IAPP: variants seen among roughly 807,000 people sequenced by gnomAD.
IAPP encodes the protein islet amyloid polypeptide.
Under a neutral mutation model 2.9 loss-of-function variants are expected in IAPP, and 4 were observed. That is an observed-to-expected ratio of 1.39 (90% CI 0.69 to 3.19). The LOEUF (loss-of-function observed/expected upper bound fraction) is 3.19, where lower values mean the gene tolerates loss of function less well. Among genes scored for constraint, IAPP ranks in the 30% most tolerant of loss-of-function variants. The pLI is 0.01. For synonymous variants in IAPP, 40 were observed against 42.1 expected (o/e 0.95, Z 0.19); for missense variants, 114 against 105.3 (o/e 1.08, Z -0.36).
intron 2 of IAPP, chr12:21,376,356 T>G (rs1353194263): frequency 2.8e-6 from 1 of 362,356 alleles, no homozygotes; most frequent in Non-Finnish European, 5.6e-6. Context: ...TTACTGTTTT[T>G]CAAGAAAAGT....
intron 2 of IAPP, 47 bp downstream of exon 2, chr12:21,373,478 G>A (rs376022719): frequency 2.3e-6 from 3 of 1,278,296 alleles, no homozygotes; most frequent in African/African-American, 2.9e-5. Context: ...TGTAAAGTGT[G>A]AGAAAATTAG....
At chr12:21,364,781 T>G (rs189545300) in intron 1 of IAPP, among the ~76,000 whole-genome samples, 34 of 152,238 alleles carry the variant, frequency 2.2e-4, no homozygotes, top group Admixed American at 1.8e-3. Context: ...AAATCATGAG[T>G]GAACTCCATT....
chr12:21,358,032 G>A (rs968915389), intron 1 of IAPP, among the ~76,000 whole-genome samples: 1 of 152,016 alleles, frequency 6.6e-6, no homozygotes, highest in Non-Finnish European at 1.5e-5. Context: ...GGAGTGAGTT[G>A]GTCTCCTGTC....
chr12:21,363,776 C>A (rs1311166205), intron 1 of IAPP, among the ~76,000 whole-genome samples: 3 of 152,158 alleles, frequency 2.0e-5, no homozygotes, highest in Non-Finnish European at 4.4e-5. Context: ...CACCTCTGTG[C>A]AAATCAGCTA....
intron 1 of IAPP, among the ~76,000 whole-genome samples, chr12:21,366,102 A>G (rs892949540): frequency 5.3e-5 from 8 of 152,340 alleles, no homozygotes; most frequent in African/African-American, 1.9e-4. Flanking sequence ...ATGCATACGT[A>G]TGTTTATTGC....
chr12:21,361,249 C>A lies in IAPP; in HGVS notation c.-16+6236C>A, dbSNP rs1036847108. ...TGCAATATTAGCTGTTCTTCAGCCT[C>A]CGCTGGTGATACCCAGGCAAACAGG... On this transcript the variant is annotated intron_variant, in intron 1 of 2. Coordinates refer to the IAPP transcript ENST00000539393. Among the ~76,000 whole-genome samples, 12 of 152,310 alleles carry A rather than the reference C, an allele frequency of 7.9e-5. No individual in the cohort carries two copies. In the East Asian group the frequency reaches 2.3e-3, roughly 29 times the overall value.
chr12:21,358,263 C>G (rs1215538293), intron 1 of IAPP, among the ~76,000 whole-genome samples: 1 of 152,126 alleles, frequency 6.6e-6, no homozygotes, highest in African/African-American at 2.4e-5. Flanking sequence ...AATCATTAAG[C>G]TTGCTAATTT....
upstream of IAPP, among the ~76,000 whole-genome samples, chr12:21,372,722 T>A (rs1466091688): frequency 6.6e-6 from 1 of 152,256 alleles, no homozygotes; most frequent in Non-Finnish European, 1.5e-5. Context: ...CACTGTGTAT[T>A]TGCTACGTTA....
intron 2 of IAPP, among the ~76,000 whole-genome samples, chr12:21,376,562 T>G (rs1259915566): frequency 2.0e-5 from 3 of 152,092 alleles, no homozygotes; most frequent in Non-Finnish European, 4.4e-5. Context: ...GATAATTTGT[T>G]CAAACATTTG....
At chr12:21,370,331 CTTTTT>C (rs539121076), upstream of IAPP, among the ~76,000 whole-genome samples, 1 of 145,452 alleles carries the variant, frequency 6.9e-6, no homozygotes, top group Non-Finnish European at 1.5e-5. Flanking sequence ...TCTTCCTTTT[CTTTTT>C]TTTTTATTAT....
chr12:21,355,918 C>T (rs891683185), intron 1 of IAPP, among the ~76,000 whole-genome samples: 26 of 152,080 alleles, frequency 1.7e-4, no homozygotes, highest in Non-Finnish European at 1.9e-4. Flanking sequence ...TAGAACTAAA[C>T]TAACTTAATC....
chr12:21,378,356 C>G lies in IAPP; in HGVS notation c.200C>G (p.Ser67Cys), dbSNP rs1940362050. Residue 67 changes from serine (S) to cysteine (C), a missense_variant, in exon 3 of 3, where the codon TCC (serine) becomes TGC (cysteine). By Grantham distance (112) the Ser-to-Cys change is moderately radical. Coordinates refer to ENST00000240652, the MANE Select transcript of IAPP (RefSeq NM_000415.3). ...ATTCTCTCATCTACCAACGTGGGATCCAATACATATGGCAAGAGGAATGCA... is the reference window on the plus strand; with the variant it reads ...ATTCTCTCATCTACCAACGTGGGATGCAATACATATGGCAAGAGGAATGCA... ...GAILSSTNVG[S>C]NTYGKRNAVE... 1 of 1,614,126 alleles carries G rather than the reference C, an allele frequency of 6.2e-7. No individual in the cohort carries two copies. The highest frequency in any genetic ancestry group is 8.5e-7 in the Non-Finnish European group (1 of 1,179,972).
chr12:21,355,036 A>T (rs532580557), intron 1 of IAPP: 10 of 152,326 alleles, frequency 6.6e-5, no homozygotes, highest in Middle Eastern at 3.4e-3. Flanking sequence ...TAAATGGCAC[A>T]TATGTTCAAA....
At chr12:21,374,837 C>G (rs1204748219) in intron 2 of IAPP, among the ~76,000 whole-genome samples, 2 of 151,796 alleles carry the variant, frequency 1.3e-5, no homozygotes, top group South Asian at 2.1e-4. Flanking sequence ...CTCTCTCTCT[C>G]TCTGTCTCTG....
Position 21,378,283 on chromosome 12 carries a change from C to A in IAPP, c.127C>A (p.Gln43Lys). The stretch of plus-strand genomic sequence containing the variant: ...ATGCAACACTGCCACATGTGCAACG[C>A]AGCGCCTGGCAAATTTTTTAGTTCA... ...RKCNTATCAT[Q>K]RLANFLVHSS... The change falls in exon 3 of 3, where the codon CAG becomes AAG. Residue 43 changes from glutamine (Q) to lysine (K), a missense_variant. By Grantham distance (53) the Gln-to-Lys change is moderately conservative. Coordinates refer to ENST00000240652, the MANE Select transcript of IAPP (RefSeq NM_000415.3). 1 of 1,614,212 alleles carries A rather than the reference C, an allele frequency of 6.2e-7. No homozygotes were observed. Among genetic ancestry groups the A allele is most frequent in the Non-Finnish European group, 8.5e-7 (1 of 1,180,026 alleles).
intron 1 of IAPP, among the ~76,000 whole-genome samples, chr12:21,365,117 G>A (rs1474524954): frequency 6.6e-6 from 1 of 152,160 alleles, no homozygotes; most frequent in Admixed American, 6.5e-5. Context: ...GAACAAAGCT[G>A]GAGGCATCAC....
intron 1 of IAPP, among the ~76,000 whole-genome samples, chr12:21,361,676 A>T (rs12823714): frequency 0.32 from 48,981 of 151,782 alleles, 8,162 homozygotes; most frequent in East Asian, 0.46. Context: ...GTGTAGAGAA[A>T]AGACAGTGTA....
At position 21,379,700 on chromosome 12, in the gene IAPP, T is replaced by C. The variant is rs969200515; in HGVS notation, c.*1274T>C. 31 of 152,340 alleles carry C rather than the reference T, an allele frequency of 2.0e-4. No individual in the cohort carries two copies. Among genetic ancestry groups the C allele is most frequent in the African/African-American group, 7.2e-4 (30 of 41,572 alleles). 9.4% of individuals were successfully genotyped at this position (152,340 alleles called of 1,614,324 possible). Reference sequence around the variant, plus strand: ...CATTAATTCAGATAAACTGCCATCATGCTGCGTTATGCCATTTCTAAAGAC... The same window carrying C: ...CATTAATTCAGATAAACTGCCATCACGCTGCGTTATGCCATTTCTAAAGAC... On this transcript the variant is annotated 3_prime_UTR_variant, in exon 3 of 3. Transcript: ENST00000240652.
In IAPP at chr12:21,360,563, G is replaced by C. The variant is rs192144278; in HGVS notation, c.-16+5550G>C. On this transcript the variant is annotated intron_variant, in intron 1 of 2. Coordinates refer to the IAPP transcript ENST00000539393. ...TCACTGGGGCTTGCCAGACAAGTGGGTGCAGCCCACAGAGCTGGGCAGGGC... is the reference window on the plus strand; with the variant it reads ...TCACTGGGGCTTGCCAGACAAGTGGCTGCAGCCCACAGAGCTGGGCAGGGC... 3.9e-5 allele frequency among the ~76,000 whole-genome samples: 6 copies of C among 152,318 alleles called. No individual in the cohort carries two copies. In the East Asian group the frequency reaches 1.2e-3, roughly 29 times the overall value.
Sources: allele counts gnomAD v4.1 joint callset (sites outside exome capture counted in the v4.1 genomes callset), GRCh38; gene constraint gnomAD v4.1.1; transcripts MANE v1.5; gene names NCBI Gene and HGNC (gene_info 2026-07-23, HGNC 2026-07-21).